Variants in PRKDC observed in about 807,000 individuals in gnomAD.
PRKDC encodes protein kinase, DNA-activated, catalytic subunit.
PRKDC carries 82 observed loss-of-function variants against 486.9 expected under a neutral mutation model. The observed-to-expected ratio is 0.17, with a 90% CI of 0.14 to 0.20. PRKDC has a LOEUF of 0.20. Ranked by LOEUF, PRKDC falls within the 10% of genes least tolerant of loss-of-function variation. PRKDC has a pLI of 1.00. For synonymous variants in PRKDC, 1,895 were observed against 1,837.0 expected (o/e 1.03, Z -0.81); for missense variants, 4,504 against 5,038.2 (o/e 0.89, Z 3.21).
chr8:47,949,325 A>G (rs1254906564), intron 7 of PRKDC, among the ~76,000 whole-genome samples: 1 of 152,200 alleles, frequency 6.6e-6, no homozygotes, highest in Admixed American at 6.5e-5. Flanking sequence ...TCTCCTAACC[A>G]CGCAAGTCAC....
chr8:47,955,593 G>C (rs1264346816), intron 4 of PRKDC, among the ~76,000 whole-genome samples: 1 of 151,744 alleles, frequency 6.6e-6, no homozygotes. Context: ...GCCAAAGCCA[G>C]TAAGGGTGAT....
intron 10 of PRKDC, among the ~76,000 whole-genome samples, chr8:47,940,636 A>G (rs1190036701): frequency 6.6e-6 from 1 of 152,250 alleles, no homozygotes; most frequent in Non-Finnish European, 1.5e-5. Context: ...ACAGCATTTT[A>G]CTTAATTACA....
intron 27 of PRKDC, among the ~76,000 whole-genome samples, chr8:47,902,102 C>A (rs939187731): frequency 6.6e-6 from 1 of 152,164 alleles, no homozygotes; most frequent in Admixed American, 6.5e-5. Flanking sequence ...GCCAGCCTCA[C>A]GACACCTGCC....
intron 40 of PRKDC, among the ~76,000 whole-genome samples, chr8:47,869,805 C>T (rs1207169427): frequency 6.6e-6 from 1 of 152,098 alleles, no homozygotes; most frequent in African/African-American, 2.4e-5. Flanking sequence ...GAGCCCACTA[C>T]CCTGAAGGGA....
intron 25 of PRKDC, among the ~76,000 whole-genome samples, chr8:47,907,016 CT>C (rs938937722): frequency 6.6e-6 from 1 of 150,662 alleles, no homozygotes; most frequent in African/African-American, 2.4e-5. Flanking sequence ...TAAAGCATCA[CT>C]TTTTTTTCCA....
chr8:47,777,003 T>C lies in PRKDC; in HGVS notation c.12043-20A>G. ...AAAATTCTAGAAGAAAAGAACATGA[T>C]TTTCCCGGCTGATCATAATGGTATA... On this transcript the variant is annotated intron_variant, in intron 84 of 85. Transcript: ENST00000314191. The C allele has an allele frequency of 1.0e-5, 16 of 1,604,932 alleles. No homozygotes were observed. The highest frequency in any genetic ancestry group is 1.3e-5 in the Non-Finnish European group (15 of 1,177,162).
intron 44 of PRKDC, among the ~76,000 whole-genome samples, chr8:47,861,309 T>C (rs2088671649): frequency 6.6e-6 from 1 of 152,248 alleles, no homozygotes; most frequent in South Asian, 2.1e-4. Flanking sequence ...AGTTATGATA[T>C]ATCATAGTGC....
Position 47,859,021 on chromosome 8 carries a change from C to T in PRKDC, c.6208-35G>A, listed in dbSNP as rs775961808. ...GGAGGGCCCAGGAGAGCAGAGGGTA[C>T]AGTTAACATTCAGTGGACAAGGCAG... On this transcript the variant is annotated intron_variant, in intron 46 of 85. Coordinates refer to ENST00000314191, the MANE Select transcript of PRKDC (RefSeq NM_006904.7). The T allele has an allele frequency of 5.0e-6, 8 of 1,607,086 alleles. No individual in the cohort carries two copies. The East Asian group carries it at 1.3e-4, about 27-fold the overall frequency.
intron 11 of PRKDC, among the ~76,000 whole-genome samples, chr8:47,937,607 G>T (rs968103904): frequency 6.6e-6 from 1 of 152,112 alleles, no homozygotes; most frequent in Non-Finnish European, 1.5e-5. Flanking sequence ...TCTAGTCCAG[G>T]CTCCCCGAGG....
intron 80 of PRKDC, chr8:47,779,398 CA>C (rs2086661787): frequency 4.2e-6 from 1 of 236,234 alleles, no homozygotes; most frequent in African/African-American, 2.3e-5. Flanking sequence ...ATGAACTAAA[CA>C]TAACTGTTTA....
intron 69 of PRKDC, among the ~76,000 whole-genome samples, chr8:47,803,818 C>T (rs370767772): frequency 1.3e-5 from 2 of 151,740 alleles, no homozygotes; most frequent in Non-Finnish European, 2.9e-5. Flanking sequence ...CACCATGGCA[C>T]GTGCCTATAG....
At chr8:47,798,201 A>C (rs530188396) in intron 73 of PRKDC, 36 bp downstream of exon 73, 2 of 1,594,462 alleles carry the variant, frequency 1.3e-6, no homozygotes, top group Admixed American at 1.8e-5. Context: ...AAGTTCTGTA[A>C]AGTTCCTTAC....
At chr8:47,789,967 C>A (rs2086858358) in intron 74 of PRKDC, among the ~76,000 whole-genome samples, 1 of 152,180 alleles carries the variant, frequency 6.6e-6, no homozygotes, top group African/African-American at 2.4e-5. Context: ...TAGTGTCATA[C>A]TGAACACTGA....
At chr8:47,930,105 C>T (rs754361899) in intron 17 of PRKDC, 93 bp from the exon 18 acceptor site, 3 of 1,095,324 alleles carry the variant, frequency 2.7e-6, no homozygotes, top group Admixed American at 2.5e-5. Flanking sequence ...AGCTACAAAC[C>T]CATCACGTAA....
At chr8:47,924,484 C>A (rs2090122967) in intron 21 of PRKDC, among the ~76,000 whole-genome samples, 1 of 152,026 alleles carries the variant, frequency 6.6e-6, no homozygotes, top group Admixed American at 6.6e-5. Context: ...CACTTGAGCC[C>A]AGCAGGCAGA....
At chr8:47,930,590 A>T (rs1373997750) in intron 17 of PRKDC, 82 bp downstream of exon 17, 42 of 1,361,120 alleles carry the variant, frequency 3.1e-5, no homozygotes, top group Non-Finnish European at 4.1e-5. Context: ...CATTTCTTAC[A>T]TCTATATAAG....
At position 47,798,411 on chromosome 8, in the gene PRKDC, C is replaced by CA. The variant is rs775298553; in HGVS notation, c.10298-15dup. 39 of 1,564,424 alleles carry CA rather than the reference C, an allele frequency of 2.5e-5. No homozygotes were observed. The highest frequency in any genetic ancestry group is 3.3e-5 in the Non-Finnish European group (38 of 1,158,064). On this transcript the variant is annotated splice_polypyrimidine_tract_variant and intron_variant, in intron 72 of 85. Coordinates refer to ENST00000314191, the MANE Select transcript of PRKDC (RefSeq NM_006904.7). The stretch of plus-strand genomic sequence containing the variant: ...CAGAATCAATAACTATCAAGGACAC[C>CA]AAAGAAGAAAGCAATGGTCAATGTA...
At chr8:47,947,737 G>A (rs1461195778) in intron 7 of PRKDC, among the ~76,000 whole-genome samples, 3 of 152,000 alleles carry the variant, frequency 2.0e-5, no homozygotes, top group Non-Finnish European at 2.9e-5. Context: ...GTGAAACCCC[G>A]TCTCTACTAA....
At chr8:47,871,526 T>A (rs890660100) in intron 40 of PRKDC, among the ~76,000 whole-genome samples, 1 of 152,152 alleles carries the variant, frequency 6.6e-6, no homozygotes, top group African/African-American at 2.4e-5. Flanking sequence ...CCAGAAAACA[T>A]AAGCTAAAGG....
Sources: gnomAD v4.1 joint callset for allele counts (sites outside exome capture counted in the v4.1 genomes callset) on GRCh38, gnomAD v4.1.1 for gene constraint, MANE v1.5 for transcripts, NCBI Gene and HGNC (gene_info 2026-07-23, HGNC 2026-07-21) for gene names.